Variants in STAB2 observed in about 807,000 individuals in gnomAD.
The protein encoded by STAB2 is stabilin-2.
Under a neutral mutation model 338.1 loss-of-function variants are expected in STAB2, and 288 were observed. That is an observed-to-expected ratio of 0.85 (90% CI 0.77 to 0.94). The LOEUF (loss-of-function observed/expected upper bound fraction) is 0.94, where lower values mean the gene tolerates loss of function less well. Ranked by LOEUF, STAB2 falls within the 40% of genes least tolerant of loss-of-function variation. STAB2 has a pLI of 0.00. For synonymous variants in STAB2, 1,202 were observed against 1,193.3 expected (o/e 1.01, Z -0.15); for missense variants, 3,141 against 3,210.1 (o/e 0.98, Z 0.52).
chr12:103,675,227 T>C (rs565104491), intron 23 of STAB2, among the ~76,000 whole-genome samples: 1 of 152,254 alleles, frequency 6.6e-6, no homozygotes, highest in Non-Finnish European at 1.5e-5. Flanking sequence ...TCAACAAATA[T>C]TGGTTGAATA....
intron 19 of STAB2, 88 bp downstream of exon 19, chr12:103,666,441 A>C: frequency 7.2e-7 from 1 of 1,380,938 alleles, no homozygotes; most frequent in South Asian, 1.2e-5. Flanking sequence ...CTTCTTTAGA[A>C]GATATTAATT....
Position 103,690,474 on chromosome 12 carries a change from CT to C in STAB2, c.3235del (p.Ser1079LeufsTer41). ...AGAGTGGCAGATCTGCAGACCCTGT[CT>C]TCTTCTGACATGTTGGCAACATCTT... ...TYRVADLQTL[S>X]SSDMLATSLQ... On this transcript the variant is annotated frameshift_variant, in exon 30 of 69. Coordinates refer to ENST00000388887, the MANE Select transcript of STAB2 (RefSeq NM_017564.10). LOFTEE classifies it high-confidence loss of function. 3 of 1,614,138 alleles carry C rather than the reference CT, an allele frequency of 1.9e-6. No homozygotes were observed. Among genetic ancestry groups the C allele is most frequent in the South Asian group, 2.2e-5 (2 of 91,082 alleles).
Position 103,717,036 on chromosome 12 carries a change from C to T in STAB2, c.4612-734C>T, listed in dbSNP as rs192689080. Among the ~76,000 whole-genome samples the T allele has an allele frequency of 2.0e-4, 30 of 152,326 alleles. No individual in the cohort carries two copies. In the East Asian group the frequency reaches 4.8e-3, roughly 24 times the overall value. ...ATGACTTAAAGTTCTAAGAAGCAGACGTCAACCCAGGGCCCTTGCTGCTAC... is the reference window on the plus strand; with the variant it reads ...ATGACTTAAAGTTCTAAGAAGCAGATGTCAACCCAGGGCCCTTGCTGCTAC... On this transcript the variant is annotated intron_variant, in intron 43 of 68. Coordinates refer to ENST00000388887, the MANE Select transcript of STAB2 (RefSeq NM_017564.10).
intron 44 of STAB2, among the ~76,000 whole-genome samples, chr12:103,719,129 G>T (rs533918070): frequency 6.4e-4 from 97 of 152,250 alleles, no homozygotes; most frequent in African/African-American, 2.2e-3. Context: ...ATTGTCCCAG[G>T]CCTGGTACCT....
At chr12:103,757,646 T>C (rs921351173) in intron 63 of STAB2, among the ~76,000 whole-genome samples, 2 of 151,990 alleles carry the variant, frequency 1.3e-5, no homozygotes, top group Non-Finnish European at 2.9e-5. Flanking sequence ...CATGCAGACT[T>C]AGGGGAAGAA....
At chr12:103,620,386 CTTA>C in intron 3 of STAB2, 79 bp from the exon 4 acceptor site, 1 of 1,282,142 alleles carries the variant, frequency 7.8e-7, no homozygotes, top group Admixed American at 2.2e-5. Flanking sequence ...AACTAGCACA[CTTA>C]GTAGGTGTTT....
At chr12:103,758,368 T>G in intron 64 of STAB2, 79 bp downstream of exon 64, 1 of 1,589,122 alleles carries the variant, frequency 6.3e-7, no homozygotes, top group Non-Finnish European at 8.5e-7. Flanking sequence ...ACAAATTACC[T>G]GAAAACTCAG....
intron 33 of STAB2, 63 bp downstream of exon 33, chr12:103,695,907 T>C: frequency 1.4e-6 from 2 of 1,473,154 alleles, no homozygotes; most frequent in African/African-American, 2.8e-5. Context: ...TCAGTGTTTG[T>C]AATCCATTAG....
At chr12:103,682,701 G>A (rs1411454976) in intron 25 of STAB2, among the ~76,000 whole-genome samples, 1 of 152,058 alleles carries the variant, frequency 6.6e-6, no homozygotes, top group Non-Finnish European at 1.5e-5. Flanking sequence ...TGTAATCCTA[G>A]CACTTTGGGA....
intron 15 of STAB2, 76 bp from the exon 16 acceptor site, chr12:103,660,255 A>AT: frequency 6.9e-7 from 1 of 1,458,974 alleles, no homozygotes; most frequent in Non-Finnish European, 9.6e-7. Context: ...GTCTAACGTC[A>AT]TTTGAAGAGG....
intron 11 of STAB2, among the ~76,000 whole-genome samples, chr12:103,650,823 G>A (rs1565984689): frequency 6.6e-6 from 1 of 152,104 alleles, no homozygotes; most frequent in Non-Finnish European, 1.5e-5. Flanking sequence ...CAAGTCCATT[G>A]CCAGCAACCT....
intron 53 of STAB2, among the ~76,000 whole-genome samples, chr12:103,739,139 G>A (rs1882374256): frequency 8.7e-6 from 1 of 115,372 alleles, no homozygotes; most frequent in Admixed American, 9.9e-5. Flanking sequence ...CACCATGCCT[G>A]GCTAATTTTT....
intron 39 of STAB2, among the ~76,000 whole-genome samples, chr12:103,711,071 C>A (rs530927845): frequency 2.0e-5 from 3 of 151,884 alleles, no homozygotes; most frequent in African/African-American, 4.8e-5. Flanking sequence ...TGATGAAAAC[C>A]GGGAATAAAG....
At chr12:103,631,489 C>A in intron 5 of STAB2, 109 bp from the exon 6 acceptor site, 2 of 1,046,314 alleles carry the variant, frequency 1.9e-6, no homozygotes, top group Non-Finnish European at 2.8e-6. Context: ...AGCCAAAGTT[C>A]AAACAACATG....
chr12:103,649,766 A>G (rs908725952), intron 10 of STAB2, among the ~76,000 whole-genome samples: 3 of 152,144 alleles, frequency 2.0e-5, no homozygotes, highest in African/African-American at 4.8e-5. Context: ...CTCAGGGGCA[A>G]TCTACCAGTT....
intron 42 of STAB2, among the ~76,000 whole-genome samples, chr12:103,714,343 T>C (rs948335604): frequency 2.0e-5 from 3 of 152,194 alleles, no homozygotes; most frequent in Admixed American, 6.5e-5. Flanking sequence ...AAAATTGACA[T>C]AGAAGAGTTA....
intron 8 of STAB2, among the ~76,000 whole-genome samples, chr12:103,639,797 A>G (rs1016785424): frequency 6.6e-6 from 1 of 152,056 alleles, no homozygotes; most frequent in Non-Finnish European, 1.5e-5. Context: ...ATTCTAAAGC[A>G]ATAATACCTC....
rs1956731020 is a variant in STAB2, at chr12:103,587,614, G to T, written c.81+57G>T. On this transcript the variant is annotated intron_variant, in intron 1 of 68. Transcript: ENST00000388887. Reference sequence around the variant, plus strand: ...GTTAATTGTCATGATATGTTCAAAAGCTTGTCGTTTTCCTCTGTTGTTATG... The same window carrying T: ...GTTAATTGTCATGATATGTTCAAAATCTTGTCGTTTTCCTCTGTTGTTATG... 5 of 1,455,146 alleles carry T rather than the reference G, an allele frequency of 3.4e-6. No homozygotes were observed. In the Admixed American group the frequency reaches 7.1e-5, roughly 21 times the overall value. 90.1% of individuals were successfully genotyped at this position (1,455,146 alleles called of 1,614,324 possible). A position where few individuals can be genotyped will look rare whatever the true frequency, so the allele number is the denominator to read the frequency against.
At chr12:103,636,517 A>T (rs995828469) in intron 6 of STAB2, among the ~76,000 whole-genome samples, 3 of 151,932 alleles carry the variant, frequency 2.0e-5, no homozygotes, top group Non-Finnish European at 4.4e-5. Flanking sequence ...AACCCACTGC[A>T]TGTACATGTC....
Sources: allele counts gnomAD v4.1 joint callset (sites outside exome capture counted in the v4.1 genomes callset), GRCh38; gene constraint gnomAD v4.1.1; transcripts MANE v1.5; gene names NCBI Gene and HGNC (gene_info 2026-07-23, HGNC 2026-07-21).